ARHGEF3: variants seen among roughly 807,000 people sequenced by gnomAD.
ARHGEF3 encodes the protein Rho guanine nucleotide exchange factor 3, also known as 59.8 kDA protein.
Under a neutral mutation model 63.2 loss-of-function variants are expected in ARHGEF3, and 28 were observed. That is an observed-to-expected ratio of 0.44 (90% CI 0.33 to 0.61). The LOEUF (loss-of-function observed/expected upper bound fraction) is 0.61. ARHGEF3 is among the 20% of genes least tolerant of loss of function. The pLI is 0.03. For synonymous variants in ARHGEF3, 266 were observed against 254.2 expected (o/e 1.05, Z -0.44); for missense variants, 533 against 659.3 (o/e 0.81, Z 2.10).
At chr3:56,732,214 G>A in intron 9 of ARHGEF3, 24 bp downstream of exon 9, 1 of 1,612,670 alleles carries the variant, frequency 6.2e-7, no homozygotes, top group Non-Finnish European at 8.5e-7. Context: ...CATTCAACAG[G>A]TCAACCCCGA....
In ARHGEF3 at chr3:56,729,242, C is replaced by A; in HGVS notation, c.*28G>T. On this transcript the variant is annotated 3_prime_UTR_variant, in exon 10 of 10. Transcript: ENST00000296315. The stretch of plus-strand genomic sequence containing the variant: ...AAATACTGTACAGGTAAGATGCAGG[C>A]CTGCTTCCCGAAGTGCACATGCTTC... 3 of 1,581,392 alleles carry A rather than the reference C, an allele frequency of 1.9e-6. No homozygotes were observed. Among genetic ancestry groups the A allele is most frequent in the East Asian group, 2.2e-5 (1 of 44,676 alleles).
chr3:57,042,715 T>A (rs1389833875), intron 1 of ARHGEF3, among the ~76,000 whole-genome samples: 10 of 122,964 alleles, frequency 8.1e-5, no homozygotes, highest in African/African-American at 2.9e-4. Context: ...TTTTTTTTTT[T>A]AGACGGAGTC....
At chr3:56,819,159 G>A (rs75471114) in intron 4 of ARHGEF3, among the ~76,000 whole-genome samples, 89 of 152,044 alleles carry the variant, frequency 5.9e-4, no homozygotes, top group Non-Finnish European at 1.1e-3. Context: ...CATATTCCCT[G>A]GGCCACAAAA....
At chr3:56,786,939 T>G (rs1049408365) in intron 1 of ARHGEF3, among the ~76,000 whole-genome samples, 3 of 149,702 alleles carry the variant, frequency 2.0e-5, no homozygotes, top group Non-Finnish European at 3.0e-5. Flanking sequence ...CATTGTAGAG[T>G]CAGTGGTAAG....
chr3:57,045,366 G>A (rs1199593380), intron 1 of ARHGEF3, among the ~76,000 whole-genome samples: 1 of 152,180 alleles, frequency 6.6e-6, no homozygotes, highest in African/African-American at 2.4e-5. Context: ...TTTTGTTGAT[G>A]GACAGAGAGC....
chr3:56,998,994 G>A (rs1353072114), intron 2 of ARHGEF3, among the ~76,000 whole-genome samples: 2 of 152,176 alleles, frequency 1.3e-5, no homozygotes, highest in Admixed American at 6.5e-5. Flanking sequence ...TTCATGATGG[G>A]AGCTTGGCAT....
rs115044844 is a variant in ARHGEF3 at position 56,785,349 on chromosome 3, T to C, written c.97-11533A>G. The stretch of plus-strand genomic sequence containing the variant: ...TAAAATCTCAAGATAAGGACCCAAG[T>C]CCTAATCTTGGGTCCTTATAGATGG... On this transcript the variant is annotated intron_variant, in intron 1 of 9. Coordinates refer to ENST00000296315, the MANE Select transcript of ARHGEF3 (RefSeq NM_019555.3). 6.0e-3 allele frequency among the ~76,000 whole-genome samples: 911 copies of C among 152,144 alleles called. 13 individuals carry two copies. Among genetic ancestry groups the C allele is most frequent in the African/African-American group, 0.021 (877 of 41,484 alleles).
chr3:56,729,483 C>G lies in ARHGEF3; in HGVS notation c.1368G>C (p.Gly456=). ...QAKETVLCAA[G]QAGVLDSEGS... Reference sequence around the variant, plus strand: ...CCTCGGAGTCAAGCACCCCAGCTTGCCCGGCAGCACACAAAACTGTTTCTT... The same window carrying G: ...CCTCGGAGTCAAGCACCCCAGCTTGGCCGGCAGCACACAAAACTGTTTCTT... The change falls in exon 10 of 10, where the codon GGG becomes GGC. Residue 456 remains glycine (G), a synonymous_variant. Transcript: ENST00000296315. 6.2e-7 allele frequency: 1 copy of G among 1,614,184 alleles called. No individual in the cohort carries two copies. The highest frequency in any genetic ancestry group is 1.3e-5 in the African/African-American group (1 of 75,040).
intron 2 of ARHGEF3, among the ~76,000 whole-genome samples, chr3:57,006,340 C>T (rs1015088091): frequency 4.6e-5 from 7 of 152,182 alleles, no homozygotes; most frequent in Non-Finnish European, 4.4e-5. Flanking sequence ...ACTACACCGA[C>T]AAGATAGATT....
chr3:56,889,788 G>T (rs375147027), intron 3 of ARHGEF3, among the ~76,000 whole-genome samples: 1 of 152,180 alleles, frequency 6.6e-6, no homozygotes, highest in South Asian at 2.1e-4. Flanking sequence ...ATGGCTGGGC[G>T]CAGTGGCTCA....
At chr3:57,074,980 C>G (rs1706142162) in intron 1 of ARHGEF3, 1 of 167,272 alleles carries the variant, frequency 6.0e-6, no homozygotes, top group African/African-American at 2.4e-5. Flanking sequence ...CCTACATTGT[C>G]TCATTTTCCC....
intron 3 of ARHGEF3, among the ~76,000 whole-genome samples, chr3:56,933,628 C>T (rs2042470554): frequency 1.3e-5 from 2 of 152,148 alleles, no homozygotes; most frequent in South Asian, 4.1e-4. Context: ...CGATGTTACC[C>T]AGGCTGGTCT....
At chr3:56,778,841 A>T (rs891219033) in intron 1 of ARHGEF3, among the ~76,000 whole-genome samples, 1 of 152,130 alleles carries the variant, frequency 6.6e-6, no homozygotes, top group Non-Finnish European at 1.5e-5. Flanking sequence ...CCGCTTACAA[A>T]ATATTATTCT....
intron 1 of ARHGEF3, among the ~76,000 whole-genome samples, chr3:56,777,505 A>G (rs1264943113): frequency 2.0e-5 from 3 of 152,194 alleles, no homozygotes; most frequent in African/African-American, 4.8e-5. Flanking sequence ...AGGGGATACA[A>G]TGATTTTTAT....
At chr3:56,959,010 G>A (rs1700165833) in intron 2 of ARHGEF3, 14 of 1,045,796 alleles carry the variant, frequency 1.3e-5, no homozygotes, top group Middle Eastern at 4.1e-4. Context: ...AAACAAGGTG[G>A]ATGGAGTTTT....
chr3:57,069,936 C>A (rs943558787), intron 1 of ARHGEF3, among the ~76,000 whole-genome samples: 8 of 152,214 alleles, frequency 5.3e-5, no homozygotes, highest in Non-Finnish European at 1.0e-4. Context: ...TGAGCCACTG[C>A]GCCTGGCCTA....
At chr3:57,013,306 A>G (rs1702789626) in intron 2 of ARHGEF3, among the ~76,000 whole-genome samples, 1 of 152,234 alleles carries the variant, frequency 6.6e-6, no homozygotes, top group East Asian at 1.9e-4. Context: ...CATGGGATCC[A>G]CTAGGCGAAG....
Position 56,801,937 on chromosome 3 carries a change from G to C in ARHGEF3, c.-139C>G. 1 of 1,528,736 alleles carries C rather than the reference G, an allele frequency of 6.5e-7. No individual in the cohort carries two copies. The highest frequency in any genetic ancestry group is 2.5e-5 in the East Asian group (1 of 40,094). 94.7% of individuals were successfully genotyped at this position (1,528,736 alleles called of 1,614,324 possible). A position where few individuals can be genotyped will look rare whatever the true frequency, so the allele number is the denominator to read the frequency against. The stretch of plus-strand genomic sequence containing the variant: ...AGACCGACAGCCGGCTTCTAGCCGG[G>C]CAGGACTCGACTGGGCTCCGGAGCC... On this transcript the variant is annotated 5_prime_UTR_variant, in exon 1 of 10. Coordinates refer to ENST00000296315, the MANE Select transcript of ARHGEF3 (RefSeq NM_019555.3).
At chr3:56,874,486 T>C (rs559801563) in intron 4 of ARHGEF3, among the ~76,000 whole-genome samples, 1 of 152,130 alleles carries the variant, frequency 6.6e-6, no homozygotes, top group African/African-American at 2.4e-5. Context: ...TGAGCAGAGA[T>C]AAAATAAATC....
Sources: allele counts gnomAD v4.1 joint callset (sites outside exome capture counted in the v4.1 genomes callset), GRCh38; gene constraint gnomAD v4.1.1; transcripts MANE v1.5; gene names NCBI Gene and HGNC (gene_info 2026-07-23, HGNC 2026-07-21).